The following SLC4A4 variants were observed in gnomAD, a reference collection of about 807,000 sequenced individuals.
SLC4A4 encodes electrogenic sodium bicarbonate cotransporter 1.
Under a neutral mutation model 111.5 loss-of-function variants are expected in SLC4A4, and 27 were observed. That is an observed-to-expected ratio of 0.24 (90% confidence interval 0.18 to 0.33). The LOEUF is 0.33. Among genes scored for constraint, SLC4A4 ranks in the 10% least tolerant of loss-of-function variants. The pLI is 1.00. For missense variants in SLC4A4, 909 were observed against 1,315.5 expected (o/e 0.69, Z 4.78); for synonymous variants, 443 against 463.4 (o/e 0.96, Z 0.57).
At chr4:71,381,372 G>A (rs922460635) in intron 6 of SLC4A4, among the ~76,000 whole-genome samples, 2 of 152,174 alleles carry the variant, frequency 1.3e-5, no homozygotes, top group African/African-American at 4.8e-5. Context: ...TTCTAGGGAA[G>A]TGTCTAGAGC....
At chr4:71,262,673 A>G (rs979763806) in intron 3 of SLC4A4, among the ~76,000 whole-genome samples, 3 of 152,174 alleles carry the variant, frequency 2.0e-5, no homozygotes, top group Admixed American at 2.0e-4. Flanking sequence ...CTTGAAATAG[A>G]AGGGAGTTAT....
At chr4:71,078,826 GTTTT>G (rs369642893) in intron 1 of SLC4A4, among the ~76,000 whole-genome samples, 3 of 147,704 alleles carry the variant, frequency 2.0e-5, no homozygotes, top group South Asian at 4.3e-4. Flanking sequence ...TTGTTTGTTT[GTTTT>G]TTTTTTGAGA....
chr4:71,098,057 T>C (rs1170373790), intron 2 of SLC4A4, among the ~76,000 whole-genome samples: 1 of 152,240 alleles, frequency 6.6e-6, no homozygotes, highest in East Asian at 1.9e-4. Context: ...TTTGTGCTTT[T>C]GTTGTGATGG....
chr4:71,507,961 T>C (rs776859268), intron 16 of SLC4A4, among the ~76,000 whole-genome samples: 2 of 152,078 alleles, frequency 1.3e-5, no homozygotes, highest in Non-Finnish European at 2.9e-5. Flanking sequence ...AACATGGAAA[T>C]TGAACAACTT....
At chr4:71,428,821 T>C (rs529313410) in intron 7 of SLC4A4, among the ~76,000 whole-genome samples, 1 of 152,024 alleles carries the variant, frequency 6.6e-6, no homozygotes, top group Non-Finnish European at 1.5e-5. Flanking sequence ...GAAAAAATAA[T>C]GTATAGAATG....
At chr4:71,070,712 G>C (rs1310327496) in intron 1 of SLC4A4, among the ~76,000 whole-genome samples, 1 of 152,166 alleles carries the variant, frequency 6.6e-6, no homozygotes, top group Non-Finnish European at 1.5e-5. Context: ...AAACAATTCT[G>C]AAATGCTTCC....
intron 6 of SLC4A4, among the ~76,000 whole-genome samples, chr4:71,366,829 A>T (rs1731380856): frequency 6.6e-6 from 1 of 152,246 alleles, no homozygotes; most frequent in East Asian, 1.9e-4. Flanking sequence ...AGGGTTACAG[A>T]GTTTATATCT....
At chr4:71,295,003 A>G (rs952128366) in intron 3 of SLC4A4, among the ~76,000 whole-genome samples, 2 of 152,214 alleles carry the variant, frequency 1.3e-5, no homozygotes, top group African/African-American at 4.8e-5. Context: ...CTATAATTTC[A>G]GGCATTTAGG....
intron 6 of SLC4A4, among the ~76,000 whole-genome samples, chr4:71,376,236 C>T (rs1273655372): frequency 6.6e-6 from 1 of 151,384 alleles, no homozygotes; most frequent in African/African-American, 2.4e-5. Flanking sequence ...GAGTCTCGCT[C>T]TGTCACCCAG....
chr4:71,077,714 A>C (rs1222225209), intron 1 of SLC4A4, among the ~76,000 whole-genome samples: 1 of 152,180 alleles, frequency 6.6e-6, no homozygotes, highest in Non-Finnish European at 1.5e-5. Context: ...ATAAGAAATA[A>C]TGAGCATTGT....
intron 11 of SLC4A4, among the ~76,000 whole-genome samples, chr4:71,452,296 GT>G (rs1263148116): frequency 2.0e-5 from 3 of 151,778 alleles, no homozygotes; most frequent in Non-Finnish European, 4.4e-5. Flanking sequence ...TTTTTGAATA[GT>G]TTTTTGTAAA....
At chr4:71,413,268 C>T (rs919995362) in intron 7 of SLC4A4, among the ~76,000 whole-genome samples, 3 of 152,134 alleles carry the variant, frequency 2.0e-5, no homozygotes, top group East Asian at 1.9e-4. Flanking sequence ...TCTGCTGGGG[C>T]CATATGTTCC....
Position 71,424,642 on chromosome 4 carries a change from C to G in SLC4A4, c.808-15974C>G, listed in dbSNP as rs1329333319. 1.3e-5 allele frequency among the ~76,000 whole-genome samples: 2 copies of G among 152,040 alleles called. 1 individual carries two copies. Among genetic ancestry groups the G allele is most frequent in the Non-Finnish European group, 2.9e-5 (2 of 67,988 alleles). On this transcript the variant is annotated intron_variant, in intron 7 of 25. Coordinates refer to ENST00000264485, the MANE Select transcript of SLC4A4 (RefSeq NM_001098484.3). ...TTAAGAAAATGTGGCACATATACAC[C>G]ATGGAATACTATGCAGCCATAAAAA...
At chr4:71,156,588 G>GCGCACACA (rs376043069) in intron 2 of SLC4A4, among the ~76,000 whole-genome samples, 1,833 of 138,422 alleles carry the variant, frequency 0.013, 41 homozygotes, top group African/African-American at 0.047. Flanking sequence ...GCGCGCGCGC[G>GCGCACACA]CACACACACA....
At chr4:71,328,757 C>T (rs1028787371) in intron 3 of SLC4A4, among the ~76,000 whole-genome samples, 3 of 152,066 alleles carry the variant, frequency 2.0e-5, no homozygotes, top group African/African-American at 4.8e-5. Flanking sequence ...ATACTTTCTT[C>T]CATCTTTTGG....
At chr4:71,562,289 G>A (rs1419514284) in intron 23 of SLC4A4, among the ~76,000 whole-genome samples, 1 of 151,692 alleles carries the variant, frequency 6.6e-6, no homozygotes, top group East Asian at 2.0e-4. Flanking sequence ...GAGTACGTCT[G>A]TGCAGTATGT....
intron 2 of SLC4A4, among the ~76,000 whole-genome samples, chr4:71,120,411 C>T (rs1245929778): frequency 6.6e-6 from 1 of 152,170 alleles, no homozygotes; most frequent in Non-Finnish European, 1.5e-5. Context: ...GTAGAATCTC[C>T]ACAGTGTGTG....
chr4:71,306,426 C>CA (rs1725692487), intron 3 of SLC4A4, among the ~76,000 whole-genome samples: 1 of 151,982 alleles, frequency 6.6e-6, no homozygotes, highest in African/African-American at 2.4e-5. Context: ...ACTAAAAATA[C>CA]AAAAATTAGC....
chr4:71,474,634 T>A (rs1224400944), intron 14 of SLC4A4, among the ~76,000 whole-genome samples: 1 of 151,844 alleles, frequency 6.6e-6, no homozygotes, highest in Non-Finnish European at 1.5e-5. Flanking sequence ...GCTAGGGCAT[T>A]GTTGGGCTGT....
Sources: gnomAD v4.1 joint callset for allele counts (sites outside exome capture counted in the v4.1 genomes callset) on GRCh38, gnomAD v4.1.1 for gene constraint, MANE v1.5 for transcripts, NCBI Gene and HGNC (gene_info 2026-07-23, HGNC 2026-07-21) for gene names.